Variants in CDH18 observed in about 807,000 individuals in gnomAD.
CDH18 encodes the protein cadherin-18.
Under a neutral mutation model 67.9 loss-of-function variants are expected in CDH18, and 31 were observed. The observed-to-expected ratio is 0.46, with a 90% CI of 0.34 to 0.62. The LOEUF (loss-of-function observed/expected upper bound fraction) is 0.62. Among genes scored for constraint, CDH18 ranks in the 20% least tolerant of loss-of-function variants. The pLI, the probability that CDH18 is intolerant of heterozygous loss-of-function variation, is 0.01. For synonymous variants in CDH18, 362 were observed against 347.2 expected (o/e 1.04, Z -0.48); for missense variants, 890 against 975.5 (o/e 0.91, Z 1.17).
intron 8 of CDH18, among the ~76,000 whole-genome samples, chr5:19,566,821 T>C (rs1171739077): frequency 6.6e-6 from 1 of 152,114 alleles, no homozygotes; most frequent in African/African-American, 2.4e-5. Flanking sequence ...AGCCAAGATT[T>C]GAAAGCAACC....
In CDH18 at chr5:20,179,928, C is replaced by A. The variant is rs769766542; in HGVS notation, c.-518+75516G>T. ...GGAGCTGGCTGTTGGAGGGAAAAGT[C>A]ACTAGAAGCAATGCTGGTGTACATA... On this transcript the variant is annotated intron_variant, in intron 2 of 14. Transcript: ENST00000507958. 2.6e-5 allele frequency among the ~76,000 whole-genome samples: 4 copies of A among 152,152 alleles called. No homozygotes were observed. In the South Asian group the frequency reaches 8.3e-4, roughly 32 times the overall value.
chr5:20,307,765 T>C (rs1736599933), intron 1 of CDH18, among the ~76,000 whole-genome samples: 1 of 152,224 alleles, frequency 6.6e-6, no homozygotes, highest in Non-Finnish European at 1.5e-5. Flanking sequence ...TGTGTGATTA[T>C]TATTAAAAAC....
chr5:20,466,110 A>G (rs975896624), intron 1 of CDH18, among the ~76,000 whole-genome samples: 3 of 151,978 alleles, frequency 2.0e-5, no homozygotes, highest in African/African-American at 7.2e-5. Flanking sequence ...TTTCTAATAT[A>G]TTTCTGTATT....
intron 1 of CDH18, among the ~76,000 whole-genome samples, chr5:20,496,455 T>C (rs1753912044): frequency 6.6e-6 from 1 of 152,186 alleles, no homozygotes. Context: ...TTAATAACAC[T>C]GTAATCCAGA....
At chr5:20,218,018 T>C (rs1216311653) in intron 2 of CDH18, among the ~76,000 whole-genome samples, 1 of 151,882 alleles carries the variant, frequency 6.6e-6, no homozygotes, top group Non-Finnish European at 1.5e-5. Context: ...CACCCAGATA[T>C]GCAAAGCAAA....
At position 19,960,582 on chromosome 5, in the gene CDH18, T is replaced by TATATATATATATATACACACAC. The variant is rs1561635396; in HGVS notation, c.-257+20477_-257+20478insGTGTGTGTATATATATATATAT. ...GTGTATGTGTGTGTGTGTGTGTGTG[T>TATATATATATATATACACACAC]GTGTGTGTATATATATATATACACA... is the stretch of plus-strand genomic sequence containing the variant. On this transcript the variant is annotated intron_variant, in intron 2 of 12. Transcript: ENST00000382275. Among the ~76,000 whole-genome samples, 5 of 119,566 alleles carry TATATATATATATATACACACAC rather than the reference T, an allele frequency of 4.2e-5. 1 individual carries two copies. Among genetic ancestry groups the TATATATATATATATACACACAC allele is most frequent in the African/African-American group, 2.8e-4 (5 of 17,866 alleles). 78.4% of individuals were successfully genotyped at this position (119,566 alleles called of 152,430 possible).
In CDH18 at chr5:20,239,715, TA is replaced by T. The variant is rs544120573; in HGVS notation, c.-518+15728del. Among the ~76,000 whole-genome samples the T allele has an allele frequency of 2.4e-3, 370 of 152,294 alleles. 1 individual carries two copies. The highest frequency in any genetic ancestry group is 3.4e-3 in the Non-Finnish European group (229 of 68,022). On this transcript the variant is annotated intron_variant, in intron 2 of 14. Transcript: ENST00000507958. ...CATGTCAATAATACTTTAATAATGTTAAAAATATTTATAGTTAAGTGAGAAT... is the reference window on the plus strand; with the variant it reads ...CATGTCAATAATACTTTAATAATGTTAAAATATTTATAGTTAAGTGAGAAT...
chr5:19,918,549 T>A (rs1792078467), intron 2 of CDH18, among the ~76,000 whole-genome samples: 1 of 152,182 alleles, frequency 6.6e-6, no homozygotes, highest in Admixed American at 6.5e-5. Context: ...GACATATTAA[T>A]GCAGAAATCA....
At chr5:19,675,265 T>C (rs1274453804) in intron 5 of CDH18, among the ~76,000 whole-genome samples, 1 of 116,492 alleles carries the variant, frequency 8.6e-6, no homozygotes, top group Non-Finnish European at 1.9e-5. Context: ...GTTTTGGGCA[T>C]GCATTGTCAT....
chr5:20,535,965 A>G (rs1235004666), intron 1 of CDH18, among the ~76,000 whole-genome samples: 2 of 152,156 alleles, frequency 1.3e-5, no homozygotes, highest in Non-Finnish European at 2.9e-5. Flanking sequence ...ATCCGAGGAA[A>G]TATCTCACCT....
intron 3 of CDH18, among the ~76,000 whole-genome samples, chr5:19,824,616 C>T (rs1408294906): frequency 6.6e-6 from 1 of 152,176 alleles, no homozygotes; most frequent in African/African-American, 2.4e-5. Flanking sequence ...AGCACCATAT[C>T]CCCCGTAGAG....
intron 2 of CDH18, among the ~76,000 whole-genome samples, chr5:20,107,897 T>C (rs549384962): frequency 2.7e-5 from 4 of 149,978 alleles, no homozygotes; most frequent in African/African-American, 9.8e-5. Context: ...GTATATCCCC[T>C]AATGCTATCC....
At chr5:20,443,453 T>C (rs1749782089) in intron 1 of CDH18, among the ~76,000 whole-genome samples, 1 of 151,728 alleles carries the variant, frequency 6.6e-6, no homozygotes. Context: ...AAAGGCTCAA[T>C]CTGACCTCAT....
chr5:19,595,753 T>C (rs1561431449), intron 6 of CDH18, among the ~76,000 whole-genome samples: 1 of 152,238 alleles, frequency 6.6e-6, no homozygotes, highest in Non-Finnish European at 1.5e-5. Context: ...TCAACAAATA[T>C]TTTTCTCAGC....
At chr5:20,377,426 C>A (rs1027121577) in intron 1 of CDH18, among the ~76,000 whole-genome samples, 5 of 152,084 alleles carry the variant, frequency 3.3e-5, no homozygotes, top group South Asian at 4.1e-4. Flanking sequence ...CAGAGTAATT[C>A]TTTTCTTAGT....
chr5:19,913,324 G>A (rs1791364131), intron 2 of CDH18, among the ~76,000 whole-genome samples: 2 of 152,094 alleles, frequency 1.3e-5, no homozygotes, highest in African/African-American at 4.8e-5. Flanking sequence ...ATCTGTTGAT[G>A]TAATTGTTAT....
chr5:19,590,499 T>TAGAC (rs925451692), intron 7 of CDH18, among the ~76,000 whole-genome samples: 17 of 151,946 alleles, frequency 1.1e-4, no homozygotes, highest in African/African-American at 4.1e-4. Context: ...GATAGATAGA[T>TAGAC]AGATAGATAG....
chr5:20,027,036 A>T (rs949160695), intron 2 of CDH18, among the ~76,000 whole-genome samples: 2 of 151,956 alleles, frequency 1.3e-5, no homozygotes, highest in East Asian at 1.9e-4. Flanking sequence ...ATAAAATAAA[A>T]TTTGGACCTT....
intron 5 of CDH18, among the ~76,000 whole-genome samples, chr5:19,673,916 A>T (rs1168749027): frequency 6.6e-6 from 1 of 152,116 alleles, no homozygotes; most frequent in Non-Finnish European, 1.5e-5. Flanking sequence ...AAGCAGTCTT[A>T]CTTCACAACT....
Sources: gnomAD v4.1 joint callset for allele counts (sites outside exome capture counted in the v4.1 genomes callset) on GRCh38, gnomAD v4.1.1 for gene constraint, MANE v1.5 for transcripts, NCBI Gene and HGNC (gene_info 2026-07-23, HGNC 2026-07-21) for gene names.